The following PPP2R5A variants were observed in gnomAD, a reference collection of about 807,000 sequenced individuals.
PPP2R5A encodes the protein protein phosphatase 2 regulatory subunit B'alpha.
PPP2R5A carries 25 observed loss-of-function variants against 64.2 expected under a neutral mutation model. The observed-to-expected ratio is 0.39, with a 90% confidence interval of 0.28 to 0.54. The LOEUF is 0.54. Ranked by LOEUF, PPP2R5A falls within the 20% of genes least tolerant of loss-of-function variation. PPP2R5A has a pLI of 0.67. For synonymous variants in PPP2R5A, 198 were observed against 201.2 expected (o/e 0.98, Z 0.13); for missense variants, 425 against 576.3 (o/e 0.74, Z 2.69).
At chr1:212,295,477 A>T (rs1658676703) in intron 1 of PPP2R5A, among the ~76,000 whole-genome samples, 1 of 152,236 alleles carries the variant, frequency 6.6e-6, no homozygotes, top group South Asian at 2.1e-4. Flanking sequence ...AATGTGCTAG[A>T]GATAATTTGA....
chr1:212,316,623 G>A (rs1465204596), intron 1 of PPP2R5A, among the ~76,000 whole-genome samples: 1 of 39,370 alleles, frequency 2.5e-5, no homozygotes, highest in Non-Finnish European at 6.2e-5. Flanking sequence ...TAATCTGAAA[G>A]CTTTTATTCT....
intron 1 of PPP2R5A, among the ~76,000 whole-genome samples, chr1:212,319,968 T>TA (rs1491256840): frequency 5.0e-4 from 56 of 111,290 alleles, no homozygotes; most frequent in East Asian, 1.4e-3. Context: ...TTTTTTTTTT[T>TA]ATTGATCATT....
At chr1:212,316,529 C>T (rs12048147) in intron 1 of PPP2R5A, among the ~76,000 whole-genome samples, 14 of 138,354 alleles carry the variant, frequency 1.0e-4, no homozygotes, top group Non-Finnish European at 2.0e-4. Flanking sequence ...GCCCCATTAT[C>T]TTCTGGCATG....
intron 12 of PPP2R5A, among the ~76,000 whole-genome samples, chr1:212,360,151 T>C (rs1392288609): frequency 6.6e-6 from 1 of 152,186 alleles, no homozygotes; most frequent in Non-Finnish European, 1.5e-5. Flanking sequence ...AAGTTTTCAT[T>C]TGACATGTAA....
chr1:212,296,149 G>T (rs1030279586), intron 1 of PPP2R5A, among the ~76,000 whole-genome samples: 3 of 152,026 alleles, frequency 2.0e-5, no homozygotes, highest in African/African-American at 7.2e-5. Flanking sequence ...TAGGAGTCAA[G>T]GATGACTCTC....
chr1:212,329,885 C>G (rs1243081708), intron 2 of PPP2R5A, among the ~76,000 whole-genome samples: 3 of 152,062 alleles, frequency 2.0e-5, no homozygotes, highest in Non-Finnish European at 4.4e-5. Context: ...ACACGTTGAT[C>G]GACCTGCCGC....
intron 3 of PPP2R5A, among the ~76,000 whole-genome samples, chr1:212,339,918 A>G (rs1055448625): frequency 1.5e-4 from 23 of 150,990 alleles, no homozygotes; most frequent in Non-Finnish European, 2.9e-4. Flanking sequence ...AGGGATTTGC[A>G]TAAAGATTTG....
At chr1:212,356,797 C>T (rs1199695578) in intron 9 of PPP2R5A, 121 bp downstream of exon 9, 1 of 1,313,332 alleles carries the variant, frequency 7.6e-7, no homozygotes, top group Admixed American at 2.6e-5. Context: ...TGTACACAGA[C>T]TTGGTAGAAG....
At chr1:212,287,373 G>A (rs1465331864) in intron 1 of PPP2R5A, among the ~76,000 whole-genome samples, 1 of 152,204 alleles carries the variant, frequency 6.6e-6, no homozygotes, top group Non-Finnish European at 1.5e-5. Flanking sequence ...TGAAAAAGCT[G>A]CAGCATCCCC....
At chr1:212,305,747 T>TTA (rs147744498) in intron 1 of PPP2R5A, among the ~76,000 whole-genome samples, 3,642 of 152,192 alleles carry the variant, frequency 0.024, 162 homozygotes, top group African/African-American at 0.083. Flanking sequence ...GCAAATATGT[T>TTA]TATAATTGTT....
intron 5 of PPP2R5A, 130 bp downstream of exon 5, chr1:212,346,063 G>T: frequency 1.1e-6 from 1 of 897,640 alleles, no homozygotes; most frequent in Non-Finnish European, 1.6e-6. Flanking sequence ...GTGCAGTGGT[G>T]AGAACATAGC....
chr1:212,357,395 CA>C (rs1432843987), intron 11 of PPP2R5A, 111 bp downstream of exon 11: 1 of 989,254 alleles, frequency 1.0e-6, no homozygotes, highest in Non-Finnish European at 1.4e-6. Flanking sequence ...GAAGTTACTC[CA>C]AGGTTAACAT....
chr1:212,329,078 T>C (rs1659455528), intron 1 of PPP2R5A, 57 bp from the exon 2 acceptor site: 3 of 1,239,108 alleles, frequency 2.4e-6, no homozygotes, highest in Non-Finnish European at 3.2e-6. Flanking sequence ...TTAATAAATA[T>C]ATAAAAGTAA....
chr1:212,306,739 A>ACATT (rs1249297297), intron 1 of PPP2R5A: 10 of 109,630 alleles, frequency 9.1e-5, no homozygotes, highest in African/African-American at 4.3e-4. Context: ...TAATCCATTT[A>ACATT]CATTTATTTA....
chr1:212,314,929 A>G (rs965171011), intron 1 of PPP2R5A, among the ~76,000 whole-genome samples: 2 of 151,764 alleles, frequency 1.3e-5, no homozygotes, highest in South Asian at 2.1e-4. Flanking sequence ...TTGGTCTTCA[A>G]CTCCTGGGCT....
At chr1:212,324,020 A>G (rs1200769793) in intron 1 of PPP2R5A, among the ~76,000 whole-genome samples, 2 of 151,914 alleles carry the variant, frequency 1.3e-5, no homozygotes, top group Non-Finnish European at 2.9e-5. Flanking sequence ...TGCAGTGAGC[A>G]GAGATTGTAC....
Position 212,286,099 on chromosome 1 carries a change from A to T in PPP2R5A, c.-12A>T. ...GCAGCAGCCGGAGCTGCCAAGCGTC[A>T]GGGCCGCGGAGATGTCGTCGTCGTC... On this transcript the variant is annotated 5_prime_UTR_variant, in exon 1 of 13. Coordinates refer to ENST00000261461, the MANE Select transcript of PPP2R5A (RefSeq NM_006243.4). The T allele has an allele frequency of 6.4e-7, 1 of 1,551,120 alleles. No homozygotes were observed. The highest frequency in any genetic ancestry group is 8.7e-7 in the Non-Finnish European group (1 of 1,152,780).
chr1:212,303,164 C>G (rs757890177), intron 1 of PPP2R5A, among the ~76,000 whole-genome samples: 19 of 152,164 alleles, frequency 1.2e-4, no homozygotes, highest in Non-Finnish European at 2.8e-4. Flanking sequence ...GATAAATTGC[C>G]ACAGTTTTTT....
At chr1:212,297,297 G>T (rs1029210368) in intron 1 of PPP2R5A, among the ~76,000 whole-genome samples, 1 of 150,968 alleles carries the variant, frequency 6.6e-6, no homozygotes, top group African/African-American at 2.4e-5. Context: ...TTTATTTTTA[G>T]TAGAGACAGG....
Sources: gnomAD v4.1 joint callset for allele counts (sites outside exome capture counted in the v4.1 genomes callset) on GRCh38, gnomAD v4.1.1 for gene constraint, MANE v1.5 for transcripts, NCBI Gene and HGNC (gene_info 2026-07-23, HGNC 2026-07-21) for gene names.